GREB1: variants seen among roughly 807,000 people sequenced by gnomAD.
GREB1 encodes protein GREB1.
GREB1 carries 106 observed loss-of-function variants against 200.7 expected under a neutral mutation model. The ratio of observed to expected loss-of-function variants is 0.53; its 90% CI spans 0.45 to 0.62. The LOEUF is 0.62. Among genes scored for constraint, GREB1 ranks in the 20% least tolerant of loss-of-function variants. GREB1 has a pLI of 0.00. For synonymous variants in GREB1, 1,132 were observed against 1,092.4 expected, an observed-to-expected ratio of 1.04 and a Z score of -0.72; for missense variants, 2,243 against 2,556.8, an observed-to-expected ratio of 0.88 and a Z score of 2.65.
At chr2:11,529,784 A>G (rs1674004537), upstream of GREB1, among the ~76,000 whole-genome samples, 2 of 152,248 alleles carry the variant, frequency 1.3e-5, no homozygotes, top group South Asian at 4.1e-4. Flanking sequence ...TACAGGCAAC[A>G]TTGTGGATGA....
chr2:11,551,749 C>T (rs751303810), intron 1 of GREB1, among the ~76,000 whole-genome samples: 11 of 152,134 alleles, frequency 7.2e-5, no homozygotes, highest in South Asian at 2.1e-4. Flanking sequence ...CGCCGCAGCC[C>T]GGGTTCGATT....
intron 7 of GREB1, among the ~76,000 whole-genome samples, chr2:11,581,838 C>T (rs1302722124): frequency 1.3e-5 from 2 of 152,230 alleles, no homozygotes; most frequent in Non-Finnish European, 2.9e-5. Context: ...CTCCACTGTG[C>T]TGGTGGAGGA....
At chr2:11,508,371 G>T (rs550812371) in intron 1 of GREB1, among the ~76,000 whole-genome samples, 1 of 152,350 alleles carries the variant, frequency 6.6e-6, no homozygotes, top group African/African-American at 2.4e-5. Flanking sequence ...TGAGGCTGGC[G>T]TTGGAATATT....
chr2:11,628,100 T>G (rs1226312384), intron 25 of GREB1, among the ~76,000 whole-genome samples: 1 of 151,806 alleles, frequency 6.6e-6, no homozygotes, highest in Admixed American at 6.6e-5. Flanking sequence ...GTGGGCACTG[T>G]GGGGAGGAAC....
At position 11,626,236 on chromosome 2, in the gene GREB1, G is replaced by A. The variant is rs74327226; in HGVS notation, c.4307-726G>A. Among the ~76,000 whole-genome samples, 2,117 of 152,088 alleles carry A rather than the reference G, an allele frequency of 0.014. 142 individuals carry two copies. In the East Asian group the frequency reaches 0.16, roughly 11 times the overall value. On this transcript the variant is annotated intron_variant, in intron 24 of 32. Transcript: ENST00000381486. ...ATCCCTTGCACTGAGGATCCTTCTC[G>A]TAGGCCAGTCTCTAATGAAGGCTGA...
intron 1 of GREB1, among the ~76,000 whole-genome samples, chr2:11,494,238 A>C (rs1672831661): frequency 1.3e-5 from 2 of 152,240 alleles, no homozygotes; most frequent in African/African-American, 2.4e-5. Context: ...GGGTGCCCCC[A>C]ACACTGAAGC....
chr2:11,560,471 C>T (rs1182191424), intron 2 of GREB1, among the ~76,000 whole-genome samples: 3 of 152,052 alleles, frequency 2.0e-5, no homozygotes, highest in African/African-American at 4.8e-5. Context: ...GAGGCCGAGG[C>T]GGGTGGATCA....
chr2:11,587,114 T>G (rs551239562), intron 9 of GREB1, among the ~76,000 whole-genome samples: 27 of 152,254 alleles, frequency 1.8e-4, no homozygotes, highest in African/African-American at 6.5e-4. Flanking sequence ...GTCCTCTCGG[T>G]TCTCAGGCGT....
rs765210190 is a variant in GREB1 at position 11,632,013 on chromosome 2, C to T, written c.4716C>T (p.His1572=). The T allele has an allele frequency of 2.2e-5, 36 of 1,613,468 alleles. No individual in the cohort carries two copies. The highest frequency in any genetic ancestry group is 3.1e-5 in the Non-Finnish European group (36 of 1,179,528). The change falls in exon 27 of 33, where the codon CAC becomes CAT. Residue 1572 remains histidine (H), a synonymous_variant. Transcript: ENST00000381486. ...YHAMDGASHL[H]VLVVKEYEMA... The stretch of plus-strand genomic sequence containing the variant: ...CAATGGACGGTGCCAGCCATTTGCA[C>T]GTGCTGGTTGTCAAGGAATACGAGA...
At chr2:11,621,607 C>G (rs766685581) in intron 23 of GREB1, among the ~76,000 whole-genome samples, 46 of 152,222 alleles carry the variant, frequency 3.0e-4, no homozygotes, top group Non-Finnish European at 5.7e-4. Flanking sequence ...CTCCTCATCC[C>G]TCCTCCCAGT....
At chr2:11,510,318 G>A (rs951029981) in intron 1 of GREB1, among the ~76,000 whole-genome samples, 4 of 152,192 alleles carry the variant, frequency 2.6e-5, no homozygotes, top group Non-Finnish European at 5.9e-5. Context: ...CCTGTGTAAT[G>A]TTAGTAGTTT....
intron 1 of GREB1, among the ~76,000 whole-genome samples, chr2:11,486,129 T>A (rs1250339282): frequency 8.5e-5 from 13 of 152,210 alleles, no homozygotes; most frequent in Admixed American, 8.5e-4. Flanking sequence ...CCATTAGGGC[T>A]GACTTTGGGC....
At chr2:11,566,801 T>G (rs1677718355) in intron 4 of GREB1, 145 bp downstream of exon 4, 6 of 645,210 alleles carry the variant, frequency 9.3e-6, no homozygotes. Context: ...TGTTTTTTGG[T>G]AGATGAGTTC....
At chr2:11,609,425 T>A (rs1435769586) in intron 17 of GREB1, among the ~76,000 whole-genome samples, 2 of 152,032 alleles carry the variant, frequency 1.3e-5, no homozygotes, top group Non-Finnish European at 2.9e-5. Flanking sequence ...TGTGCCACCA[T>A]GCCTGACTAA....
chr2:11,621,190 G>T (rs568531589), intron 23 of GREB1, among the ~76,000 whole-genome samples, 183 bp downstream of exon 23: 24 of 150,666 alleles, frequency 1.6e-4, no homozygotes, highest in Non-Finnish European at 2.9e-4. Context: ...GGCTTTTGCT[G>T]TAGTGATACA....
At chr2:11,594,514 C>T (rs1161316838) in intron 11 of GREB1, among the ~76,000 whole-genome samples, 1 of 151,538 alleles carries the variant, frequency 6.6e-6, no homozygotes, top group African/African-American at 2.4e-5. Flanking sequence ...ACCACCATGC[C>T]CAGGTAATTT....
chr2:11,500,832 C>T lies in GREB1; in HGVS notation c.-159+18451C>T, dbSNP rs188506066. 6.6e-5 allele frequency among the ~76,000 whole-genome samples: 10 copies of T among 152,268 alleles called. No homozygotes were observed. The East Asian group carries it at 9.6e-4, about 15-fold the overall frequency. ...GAATGGTAAGATTCCCAACCAACTG[C>T]GGCATTTCTGTGAGAGCAAGTCAGA... On this transcript the variant is annotated intron_variant, in intron 1 of 2. Transcript: ENST00000628795.
intron 6 of GREB1, among the ~76,000 whole-genome samples, chr2:11,579,005 C>T (rs957126183): frequency 2.0e-5 from 3 of 152,166 alleles, no homozygotes; most frequent in Non-Finnish European, 2.9e-5. Context: ...CTTGGCACTT[C>T]ACCATGTTGC....
At chr2:11,537,708 G>C (rs948842838) in intron 1 of GREB1, among the ~76,000 whole-genome samples, 4 of 144,818 alleles carry the variant, frequency 2.8e-5, no homozygotes, top group Admixed American at 6.9e-5. Flanking sequence ...TCATATATTA[G>C]ATAAATATAT....
Sources: gnomAD v4.1 joint callset for allele counts (sites outside exome capture counted in the v4.1 genomes callset) on GRCh38, gnomAD v4.1.1 for gene constraint, MANE v1.5 for transcripts, NCBI Gene and HGNC (gene_info 2026-07-23, HGNC 2026-07-21) for gene names.